CCDC62: variants seen among roughly 807,000 people sequenced by gnomAD.
CCDC62 encodes coiled-coil domain-containing protein 62.
CCDC62 carries 72 observed loss-of-function variants against 80.8 expected under a neutral mutation model. That is an observed-to-expected ratio of 0.89 (90% CI 0.74 to 1.08). CCDC62 has a LOEUF of 1.08. Ranked by LOEUF, CCDC62 falls within the 50% of genes least tolerant of loss-of-function variation. The pLI is 0.00. For missense variants in CCDC62, 704 were observed against 809.4 expected, an observed-to-expected ratio of 0.87 and a Z score of 1.58; for synonymous variants, 286 against 296.5, an observed-to-expected ratio of 0.96 and a Z score of 0.36.
chr12:122,826,198 T>G (rs1386360115), intron 12 of CCDC62, among the ~76,000 whole-genome samples: 2 of 152,026 alleles, frequency 1.3e-5, no homozygotes, highest in Non-Finnish European at 1.5e-5. Flanking sequence ...TCAAAGACAC[T>G]GGGGAAGCAG....
rs1393193642 is a variant in CCDC62 at position 122,781,331 on chromosome 12, G to T, written c.396+1G>T. On this transcript the variant is annotated splice_donor_variant, in intron 3 of 12. Transcript: ENST00000253079. LOFTEE classifies it high-confidence loss of function. ...TTCTCTTCTCTCTGAAGACCTTGAG[G>T]TTGGGATTAGTTTTTGATAAGCTTC... 7.4e-6 allele frequency: 12 copies of T among 1,611,604 alleles called. No individual in the cohort carries two copies. In the Admixed American group the frequency reaches 2.0e-4, roughly 27 times the overall value.
intron 5 of CCDC62, among the ~76,000 whole-genome samples, chr12:122,791,696 G>A (rs1320972475): frequency 6.6e-6 from 1 of 152,204 alleles, no homozygotes; most frequent in East Asian, 1.9e-4. Context: ...TGGTTTGTCC[G>A]CCTTGGCCTC....
rs757607826 is a variant in CCDC62, at chr12:122,801,149, G to C, written c.1003G>C (p.Glu335Gln). Residue 335 changes from glutamate (E) to glutamine (Q), a missense_variant, in exon 9 of 13, where the codon GAA becomes CAA. Physicochemically the swap from Glu to Gln is conservative, Grantham distance 29. Transcript: ENST00000253079. Reference sequence around the variant, plus strand: ...CAGAGACATGTGTTTATCAGACCTTGAAAATAACCACCCAAAAGTCGATAT... The same window carrying C: ...CAGAGACATGTGTTTATCAGACCTTCAAAATAACCACCCAAAAGTCGATAT... ...SSRDMCLSDL[E>Q]NNHPKVDIKR... 1 of 1,611,968 alleles carries C rather than the reference G, an allele frequency of 6.2e-7. No homozygotes were observed. The highest frequency in any genetic ancestry group is 1.3e-5 in the African/African-American group (1 of 74,572).
intron 3 of CCDC62, among the ~76,000 whole-genome samples, chr12:122,784,915 G>C (rs1206510391): frequency 3.3e-5 from 5 of 152,144 alleles, no homozygotes; most frequent in Admixed American, 3.3e-4. Flanking sequence ...AAGGCGGGCA[G>C]ATCACCCGAA....
intron 11 of CCDC62, among the ~76,000 whole-genome samples, chr12:122,815,377 C>T (rs1378595038): frequency 6.6e-6 from 1 of 152,186 alleles, no homozygotes; most frequent in Admixed American, 6.6e-5. Context: ...CTGTGCCTGG[C>T]CTGGCTTTTC....
intron 8 of CCDC62, 130 bp from the exon 9 acceptor site, chr12:122,800,994 A>C: frequency 3.2e-6 from 3 of 928,492 alleles, no homozygotes; most frequent in Non-Finnish European, 4.9e-6. Flanking sequence ...GTCGGGCTGG[A>C]ATTGGGCTCT....
intron 2 of CCDC62, among the ~76,000 whole-genome samples, chr12:122,778,127 C>T (rs1057022109): frequency 6.6e-6 from 1 of 151,810 alleles, no homozygotes; most frequent in African/African-American, 2.4e-5. Flanking sequence ...AGCACTTTGG[C>T]GGATCACTTG....
At position 122,786,817 on chromosome 12, in the gene CCDC62, G is replaced by A. The variant is rs183166844; in HGVS notation, c.498+997G>A. Among the ~76,000 whole-genome samples the A allele has an allele frequency of 1.6e-3, 250 of 152,020 alleles. 1 individual carries two copies. Among genetic ancestry groups the A allele is most frequent in the African/African-American group, 5.6e-3 (234 of 41,486 alleles). On this transcript the variant is annotated intron_variant, in intron 4 of 12. Transcript: ENST00000253079. ...CTACTAAAAATACAAAAAATTCCCC[G>A]GGCGAGGTGGCGGGCGCCTGTAGTC... is the stretch of plus-strand genomic sequence containing the variant.
chr12:122,798,972 C>G (rs769845760), intron 8 of CCDC62, among the ~76,000 whole-genome samples: 1 of 147,380 alleles, frequency 6.8e-6, no homozygotes, highest in Non-Finnish European at 1.5e-5. Context: ...CCCAGCTATT[C>G]GGCAGGCTGA....
At chr12:122,819,538 C>T (rs753486526) in intron 11 of CCDC62, among the ~76,000 whole-genome samples, 3 of 152,182 alleles carry the variant, frequency 2.0e-5, no homozygotes, top group Non-Finnish European at 2.9e-5. Context: ...CATAGGCACA[C>T]GTGTTTCTTT....
chr12:122,777,769 A>C, intron 2 of CCDC62, 86 bp downstream of exon 2: 1 of 1,253,516 alleles, frequency 8.0e-7, no homozygotes, highest in Non-Finnish European at 1.1e-6. Context: ...AGAGGAAGTA[A>C]AGACTGCAAT....
At chr12:122,823,573 C>T (rs1458542961) in intron 12 of CCDC62, 114 bp downstream of exon 12, 2 of 599,996 alleles carry the variant, frequency 3.3e-6, no homozygotes, top group Non-Finnish European at 6.0e-6. Context: ...GTAATACTTT[C>T]TCTTTTGCTC....
chr12:122,813,392 T>A lies in CCDC62; in HGVS notation c.1974T>A (p.His658Gln), dbSNP rs374420339. Residue 658 changes from histidine (H) to glutamine (Q), a missense_variant, in exon 11 of 13, where the codon CAT becomes CAA. Transcript: ENST00000253079. ...LELSTLLPIS[H>Q]ENLTGSATNK... ...TGAGCACACTGCTGCCCATCAGCCA[T>A]GAGAATCTCACTGGCAGTGCCACAA... 1.4e-5 allele frequency: 22 copies of A among 1,612,750 alleles called. No homozygotes were observed. The highest frequency in any genetic ancestry group is 1.9e-5 in the Non-Finnish European group (22 of 1,179,508).
rs868358982 is a variant in CCDC62 at position 122,785,785 on chromosome 12, C to T, written c.463C>T (p.Arg155Ter). 3 of 1,612,982 alleles carry T rather than the reference C, an allele frequency of 1.9e-6. No individual in the cohort carries two copies. Among genetic ancestry groups the T allele is most frequent in the South Asian group, 2.2e-5 (2 of 91,064 alleles). Residue 155 changes from arginine (R) to a stop codon, truncating the protein, a stop_gained, in exon 4 of 13, where the codon CGA (arginine) becomes TGA (stop). Transcript: ENST00000253079. LOFTEE classifies it high-confidence loss of function. Reference sequence around the variant, plus strand: ...TGCCCAGGTAGGACAGCTACAAGCTCGAGAACAAGCTCTTACGACAATGAT... The same window carrying T: ...TGCCCAGGTAGGACAGCTACAAGCTTGAGAACAAGCTCTTACGACAATGAT... ...LSAQVGQLQA[R>*]EQALTTMIKL...
At chr12:122,810,245 G>A (rs929538939) in intron 10 of CCDC62, among the ~76,000 whole-genome samples, 6 of 151,974 alleles carry the variant, frequency 3.9e-5, no homozygotes, top group African/African-American at 1.2e-4. Context: ...CTACAGAATG[G>A]GAGAAAATTT....
At position 122,806,192 on chromosome 12, in the gene CCDC62, C is replaced by T; in HGVS notation, c.1748C>T (p.Ser583Leu). The change falls in exon 10 of 13, where the codon TCA becomes TTA. Residue 583 changes from serine to leucine, a missense_variant. Coordinates refer to ENST00000253079, the MANE Select transcript of CCDC62 (RefSeq NM_201435.5). Reference sequence around the variant, plus strand: ...CAAGATTCCCACTCTTTGGGTTCTTCAAAATCTGCCTTGAGAGAAGATGAG... The same window carrying T: ...CAAGATTCCCACTCTTTGGGTTCTTTAAAATCTGCCTTGAGAGAAGATGAG... ...AIQDSHSLGS[S>L]KSALREDETE... 1 of 1,613,814 alleles carries T rather than the reference C, an allele frequency of 6.2e-7. No individual in the cohort carries two copies. Among genetic ancestry groups the T allele is most frequent in the Non-Finnish European group, 8.5e-7 (1 of 1,179,826 alleles).
intron 11 of CCDC62, among the ~76,000 whole-genome samples, chr12:122,814,721 T>C (rs1216260722): frequency 6.6e-6 from 1 of 152,152 alleles, no homozygotes; most frequent in Admixed American, 6.6e-5. Context: ...TTGACCAGGC[T>C]GGTCTCGAAC....
At chr12:122,807,529 CAAAA>C (rs35131700) in intron 10 of CCDC62, among the ~76,000 whole-genome samples, 4 of 104,748 alleles carry the variant, frequency 3.8e-5, no homozygotes, top group African/African-American at 1.2e-4. Flanking sequence ...GACTCTGTCT[CAAAA>C]AAAAAAAAAA....
chr12:122,798,263 G>A, intron 8 of CCDC62, 63 bp downstream of exon 8: 1 of 841,172 alleles, frequency 1.2e-6, no homozygotes, highest in South Asian at 1.4e-5. Flanking sequence ...AGTATTTACT[G>A]CGCACTTACT....
Sources: gnomAD v4.1 joint callset for allele counts (sites outside exome capture counted in the v4.1 genomes callset) on GRCh38, gnomAD v4.1.1 for gene constraint, MANE v1.5 for transcripts, NCBI Gene and HGNC (gene_info 2026-07-23, HGNC 2026-07-21) for gene names.